The following RXRA variants were observed in gnomAD, a reference collection of about 807,000 sequenced individuals.
RXRA encodes the protein retinoic acid receptor RXR-alpha.
RXRA carries 5 observed loss-of-function variants against 44.5 expected under a neutral mutation model. The ratio of observed to expected loss-of-function variants is 0.11; its 90% confidence interval spans 0.06 to 0.24. The LOEUF (loss-of-function observed/expected upper bound fraction) is 0.24. RXRA is among the 10% of genes least tolerant of loss of function. The probability of loss-of-function intolerance (pLI) is 1.00; values close to 1 mark genes in which losing one functional copy is unlikely to be tolerated. For missense variants in RXRA, 412 were observed against 646.5 expected (o/e 0.64, Z 3.93); for synonymous variants, 291 against 271.4 (o/e 1.07, Z -0.71).
At chr9:134,395,520 CTGCA>C (rs1461657245) in intron 1 of RXRA, among the ~76,000 whole-genome samples, 1 of 152,200 alleles carries the variant, frequency 6.6e-6, no homozygotes, top group African/African-American at 2.4e-5. Context: ...CAGTTGCGGG[CTGCA>C]GTGAAGGAGA....
At chr9:134,380,392 A>T (rs954021897) in intron 1 of RXRA, among the ~76,000 whole-genome samples, 7 of 151,712 alleles carry the variant, frequency 4.6e-5, no homozygotes, top group Non-Finnish European at 7.4e-5. Context: ...AGGGCTGGGG[A>T]CTTCGCCTGG....
intron 1 of RXRA, among the ~76,000 whole-genome samples, chr9:134,377,496 C>A (rs79504554): frequency 6.6e-6 from 1 of 152,172 alleles, no homozygotes. Context: ...GGAAGGCATG[C>A]GTGTCCTTCC....
chr9:134,368,034 C>A (rs1212240999), intron 1 of RXRA, among the ~76,000 whole-genome samples: 1 of 152,268 alleles, frequency 6.6e-6, no homozygotes, highest in Non-Finnish European at 1.5e-5. Context: ...CTCGCGCATG[C>A]TCTCCGCTCT....
intron 1 of RXRA, among the ~76,000 whole-genome samples, chr9:134,327,845 T>G (rs1588243062): frequency 6.6e-6 from 1 of 152,088 alleles, no homozygotes; most frequent in African/African-American, 2.4e-5. Context: ...GGGCAGGCGG[T>G]GGGTTCCAGG....
chr9:134,381,758 G>A (rs1830649217), intron 1 of RXRA, among the ~76,000 whole-genome samples: 1 of 152,120 alleles, frequency 6.6e-6, no homozygotes, highest in South Asian at 2.1e-4. Flanking sequence ...CCTGGTTAGG[G>A]CTTTGAAGGG....
chr9:134,349,043 C>T lies in RXRA; in HGVS notation c.28+22384C>T, dbSNP rs1214134004. On this transcript the variant is annotated intron_variant, in intron 1 of 9. Transcript: ENST00000481739. This position sits in a 1 kb window ranked among gnomAD's most constrained non-coding sequence, Gnocchi z 4.3. ...TGTCACTTGCAGTGAAGGGCTGGTCCCCGCTGAGAAGGCTGGTGATGCATG... is the reference window on the plus strand; with the variant it reads ...TGTCACTTGCAGTGAAGGGCTGGTCTCCGCTGAGAAGGCTGGTGATGCATG... Among the ~76,000 whole-genome samples the T allele has an allele frequency of 2.0e-5, 3 of 152,204 alleles. No individual in the cohort carries two copies. The highest frequency in any genetic ancestry group is 1.5e-5 in the Non-Finnish European group (1 of 68,036).
intron 1 of RXRA, among the ~76,000 whole-genome samples, chr9:134,385,134 T>C (rs1588278595): frequency 1.3e-5 from 2 of 152,210 alleles, no homozygotes; most frequent in African/African-American, 4.8e-5. Context: ...GGCAGCCTGT[T>C]GTGGACAGAG....
chr9:134,431,867 C>T (rs777685845), intron 7 of RXRA, 38 bp from the exon 8 acceptor site: 2 of 1,532,164 alleles, frequency 1.3e-6, no homozygotes, highest in Non-Finnish European at 1.8e-6. Context: ...AGGGCTGCGA[C>T]CTAACTGGGA....
intron 1 of RXRA, among the ~76,000 whole-genome samples, chr9:134,346,513 G>A (rs910884030): frequency 3.9e-5 from 6 of 152,160 alleles, no homozygotes; most frequent in Admixed American, 2.0e-4. Flanking sequence ...GTGGCTGGCC[G>A]TTCCCGGGCG....
At chr9:134,368,917 G>GTGTGAGTGCAGGGGTTATGTA in intron 1 of RXRA, among the ~76,000 whole-genome samples, 1 of 139,776 alleles carries the variant, frequency 7.2e-6, no homozygotes, top group Non-Finnish European at 1.5e-5. Context: ...GGGGTTGTGT[G>GTGTGAGTGCAGGGGTTATGTA]TGTGTGTGAG....
intron 9 of RXRA, 143 bp from the exon 10 acceptor site, chr9:134,436,324 T>C: frequency 1.3e-6 from 1 of 782,850 alleles, no homozygotes; most frequent in Non-Finnish European, 2.1e-6. Context: ...TCTGGAGGCT[T>C]GGCATAGGCA....
chr9:134,339,378 G>A (rs1489632558), intron 1 of RXRA, among the ~76,000 whole-genome samples: 3 of 151,886 alleles, frequency 2.0e-5, no homozygotes, highest in Admixed American at 6.5e-5. Flanking sequence ...GTTTGTGCGC[G>A]TGAGCCTCTG....
chr9:134,403,887 C>G (rs1006804814), intron 2 of RXRA: 2 of 152,260 alleles, frequency 1.3e-5, no homozygotes, highest in African/African-American at 4.8e-5. Context: ...CCAGACGTTC[C>G]CTGCCCGGCC....
intron 1 of RXRA, among the ~76,000 whole-genome samples, chr9:134,352,246 C>T (rs939646725): frequency 3.3e-5 from 5 of 151,902 alleles, no homozygotes; most frequent in Admixed American, 2.0e-4. Context: ...CCTGGGGTGC[C>T]TGGAAAACCC....
chr9:134,374,671 C>G (rs1830531033), intron 1 of RXRA, among the ~76,000 whole-genome samples: 2 of 152,258 alleles, frequency 1.3e-5, no homozygotes, highest in African/African-American at 4.8e-5. Flanking sequence ...TGGGGAGGCA[C>G]AGCAAGTGGG....
intron 1 of RXRA, chr9:134,401,305 G>C (rs891484120): frequency 5.4e-6 from 2 of 371,654 alleles, no homozygotes; most frequent in Non-Finnish European, 9.9e-6. Flanking sequence ...TGCTTTCCCA[G>C]GTGGACGGGC....
In RXRA at chr9:134,410,019, C is replaced by T. The variant is rs1015618800; in HGVS notation, c.610+900C>T. On this transcript the variant is annotated intron_variant, in intron 4 of 9. Coordinates refer to ENST00000481739, the MANE Select transcript of RXRA (RefSeq NM_002957.6). ...TGGTGGGGTCCCCAAACAGGACCCA[C>T]ACCACTGTCTCACCGTCAGGGATGT... 5.9e-5 allele frequency among the ~76,000 whole-genome samples: 9 copies of T among 152,342 alleles called. No individual in the cohort carries two copies. The East Asian group carries it at 7.7e-4, about 13-fold the overall frequency.
intron 1 of RXRA, among the ~76,000 whole-genome samples, chr9:134,352,167 G>A (rs1187240221): frequency 1.3e-5 from 2 of 152,154 alleles, no homozygotes; most frequent in African/African-American, 4.8e-5. Flanking sequence ...TGACAGCGCG[G>A]CCCAGGAGCC....
intron 1 of RXRA, among the ~76,000 whole-genome samples, chr9:134,350,196 C>T (rs1207379940): frequency 6.6e-6 from 1 of 152,156 alleles, no homozygotes; most frequent in Non-Finnish European, 1.5e-5. Context: ...GTGTCAGGCT[C>T]CCAGGGCAGG....
Sources: gnomAD v4.1 joint callset for allele counts (sites outside exome capture counted in the v4.1 genomes callset) on GRCh38, gnomAD v4.1.1 for gene constraint, Gnocchi (gnomAD v3.1) non-coding constraint, MANE v1.5 for transcripts, NCBI Gene and HGNC (gene_info 2026-07-23, HGNC 2026-07-21) for gene names.